USP4: variants seen among roughly 807,000 people sequenced by gnomAD.
USP4 encodes the protein ubiquitin specific peptidase 4.
USP4 carries 72 observed loss-of-function variants against 118.2 expected under a neutral mutation model. That is an observed-to-expected ratio of 0.61 (90% CI 0.50 to 0.74). The LOEUF (loss-of-function observed/expected upper bound fraction) is 0.74, where lower values mean the gene tolerates loss of function less well. USP4 is among the 30% of genes least tolerant of loss of function. The pLI, the probability that USP4 is intolerant of heterozygous loss-of-function variation, is 0.00. For missense variants in USP4, 1,037 were observed against 1,185.7 expected (o/e 0.87, Z 1.84); for synonymous variants, 415 against 440.4 (o/e 0.94, Z 0.72).
chr3:49,296,800 C>T lies in USP4; in HGVS notation c.1691+1070G>A, dbSNP rs189760317. 2.6e-5 allele frequency among the ~76,000 whole-genome samples: 4 copies of T among 152,378 alleles called. No individual in the cohort carries two copies. The East Asian group carries it at 7.7e-4, about 29-fold the overall frequency. On this transcript the variant is annotated intron_variant, in intron 13 of 21. Coordinates refer to ENST00000265560, the MANE Select transcript of USP4 (RefSeq NM_003363.4). ...ATTCCTTTGTTGGTGGTCTGCTAAG[C>T]TCCCCACAGGGTAATCCTCCAGTTC...
At chr3:49,279,424 C>CA (rs2046994165) in intron 20 of USP4, among the ~76,000 whole-genome samples, 2 of 151,790 alleles carry the variant, frequency 1.3e-5, no homozygotes, top group African/African-American at 4.8e-5. Flanking sequence ...ATGTGAACAA[C>CA]ATACCTTAGT....
At chr3:49,337,083 A>G (rs2047675394) in intron 1 of USP4, among the ~76,000 whole-genome samples, 1 of 151,974 alleles carries the variant, frequency 6.6e-6, no homozygotes. Context: ...CAGGAGTTCA[A>G]GACCAGCCTG....
chr3:49,332,818 C>G (rs545421282), intron 2 of USP4, among the ~76,000 whole-genome samples: 1 of 152,116 alleles, frequency 6.6e-6, no homozygotes, highest in African/African-American at 2.4e-5. Context: ...TTGCTTGAGC[C>G]CAGGAATTCA....
chr3:49,280,598 A>T, intron 20 of USP4, 146 bp downstream of exon 20: 2 of 490,550 alleles, frequency 4.1e-6, no homozygotes, highest in Non-Finnish European at 7.2e-6. Flanking sequence ...AAAAACAGAG[A>T]GGGGAATCAG....
At chr3:49,304,144 ATAAT>A (rs949581369) in intron 9 of USP4, among the ~76,000 whole-genome samples, 49 of 152,322 alleles carry the variant, frequency 3.2e-4, no homozygotes, top group African/African-American at 1.1e-3. Context: ...GGGATGAAAG[ATAAT>A]TAGTTTTCAA....
intron 19 of USP4, among the ~76,000 whole-genome samples, chr3:49,282,297 C>G (rs950291603): frequency 6.6e-6 from 1 of 150,880 alleles, no homozygotes; most frequent in African/African-American, 2.4e-5. Flanking sequence ...TTTTTTGAGA[C>G]GGAGTCTCGC....
chr3:49,312,010 T>C, intron 6 of USP4: 1 of 520,202 alleles, frequency 1.9e-6, no homozygotes, highest in Non-Finnish European at 2.6e-6. Context: ...AGTGAAACCC[T>C]GTCTCTACTA....
At chr3:49,286,396 C>T in intron 15 of USP4, 71 bp from the exon 16 acceptor site, 1 of 1,428,332 alleles carries the variant, frequency 7.0e-7, no homozygotes, top group African/African-American at 1.4e-5. Flanking sequence ...TTATTTAATA[C>T]ATAACTATGG....
At position 49,298,638 on chromosome 3, in the gene USP4, G is replaced by GC; in HGVS notation, c.1513-4dup. On this transcript the variant is annotated splice_polypyrimidine_tract_variant and splice_region_variant and intron_variant, in intron 11 of 21. Transcript: ENST00000265560. ...ATCAGCGGCACAGTCACACGGTACT[G>GC]CAAGACAGAGATGGTCAAGGTCACA... is the stretch of plus-strand genomic sequence containing the variant. The GC allele has an allele frequency of 6.2e-7, 1 of 1,614,008 alleles. No individual in the cohort carries two copies.
intron 13 of USP4, among the ~76,000 whole-genome samples, chr3:49,295,714 G>GCGCACACACACA (rs149459963): frequency 2.4e-4 from 36 of 148,412 alleles, no homozygotes; most frequent in African/African-American, 8.8e-4. Context: ...GCGCGCGCGC[G>GCGCACACACACA]CACACACACA....
chr3:49,317,781 T>G (rs898353223), intron 6 of USP4, among the ~76,000 whole-genome samples: 1 of 151,732 alleles, frequency 6.6e-6, no homozygotes, highest in Non-Finnish European at 1.5e-5. Flanking sequence ...CTCAATCTCC[T>G]GACCTCGTGA....
chr3:49,282,840 T>A (rs1398851205), intron 19 of USP4, among the ~76,000 whole-genome samples: 1 of 151,668 alleles, frequency 6.6e-6, no homozygotes, highest in Non-Finnish European at 1.5e-5. Context: ...CCCTAGTAGC[T>A]GGGATTACAG....
chr3:49,292,544 T>C lies in USP4; in HGVS notation c.1938A>G (p.Pro646=), dbSNP rs2047162089. Residue 646 remains proline, a synonymous_variant, in exon 15 of 22, where the codon CCA becomes CCG. Transcript: ENST00000265560. ...PDEFGSSPLE[P]GACNGSRNSC... is the part of the protein sequence containing the mutation. The stretch of plus-strand genomic sequence containing the variant: ...TGTTCCTGGAGCCATTGCAGGCCCC[T>C]GGCTCCAAGGGTGAGCTGCCAAACT... 1 of 1,600,552 alleles carries C rather than the reference T, an allele frequency of 6.2e-7. No homozygotes were observed. The highest frequency in any genetic ancestry group is 8.5e-7 in the Non-Finnish European group (1 of 1,172,804).
intron 1 of USP4, 22 bp downstream of exon 1, chr3:49,339,902 G>T (rs1240267739): frequency 1.2e-6 from 2 of 1,605,854 alleles, no homozygotes; most frequent in Middle Eastern, 3.3e-4. Context: ...CTGCATAGAG[G>T]AAGAGCGAGC....
intron 8 of USP4, among the ~76,000 whole-genome samples, chr3:49,309,354 C>A (rs527807529): frequency 1.3e-5 from 2 of 152,222 alleles, no homozygotes; most frequent in African/African-American, 4.8e-5. Flanking sequence ...CTCCTTGCAG[C>A]CCATGACTAT....
At chr3:49,280,626 G>T in intron 20 of USP4, 118 bp downstream of exon 20, 1 of 681,880 alleles carries the variant, frequency 1.5e-6, no homozygotes. Context: ...AAAGCGTGCA[G>T]CATGAAGCCT....
At chr3:49,311,827 C>A in intron 6 of USP4, 173 bp from the exon 7 acceptor site, 2 of 1,317,766 alleles carry the variant, frequency 1.5e-6, no homozygotes, top group Non-Finnish European at 1.9e-6. Context: ...TGAGAGTCCA[C>A]AAATTAACTG....
chr3:49,293,857 T>C (rs1368125594), intron 14 of USP4, among the ~76,000 whole-genome samples: 1 of 152,132 alleles, frequency 6.6e-6, no homozygotes, highest in Non-Finnish European at 1.5e-5. Flanking sequence ...ATCAAAGCGC[T>C]AGCCTCCCTA....
intron 2 of USP4, among the ~76,000 whole-genome samples, chr3:49,331,024 A>G (rs2047612344): frequency 7.0e-6 from 1 of 142,126 alleles, no homozygotes; most frequent in African/African-American, 2.6e-5. Context: ...TCTCAAAAAA[A>G]AAAAAAATAT....
Sources: allele counts gnomAD v4.1 joint callset (sites outside exome capture counted in the v4.1 genomes callset), GRCh38; gene constraint gnomAD v4.1.1; transcripts MANE v1.5; gene names NCBI Gene and HGNC (gene_info 2026-07-23, HGNC 2026-07-21).